The following RIT2 variants were observed in gnomAD, a reference collection of about 807,000 sequenced individuals.
RIT2 encodes the protein Ras like without CAAX 2, also known as GTP-binding protein Rit2.
RIT2 carries 24 observed loss-of-function variants against 23.7 expected under a neutral mutation model. The observed-to-expected ratio is 1.01, with a 90% confidence interval of 0.73 to 1.43. RIT2 has a LOEUF of 1.43. Among genes scored for constraint, RIT2 ranks in the 40% most tolerant of loss-of-function variants. RIT2 has a pLI of 0.00. For synonymous variants in RIT2, 107 were observed against 91.1 expected (o/e 1.17, Z -0.99); for missense variants, 236 against 266.9 (o/e 0.88, Z 0.81).
intron 4 of RIT2, among the ~76,000 whole-genome samples, chr18:42,896,471 T>C (rs192480652): frequency 1.8e-3 from 280 of 152,316 alleles, no homozygotes; most frequent in African/African-American, 6.1e-3. Context: ...GCTCATCACG[T>C]TTTGAAAGAA....
intron 4 of RIT2, among the ~76,000 whole-genome samples, chr18:42,867,320 G>A (rs1213752929): frequency 6.6e-6 from 1 of 151,970 alleles, no homozygotes; most frequent in Non-Finnish European, 1.5e-5. Flanking sequence ...TTCCTGATTC[G>A]GTAAGCCTGG....
At chr18:42,750,405 TCTATA>T (rs1913018372) in intron 4 of RIT2, among the ~76,000 whole-genome samples, 1 of 151,872 alleles carries the variant, frequency 6.6e-6, no homozygotes, top group Non-Finnish European at 1.5e-5. Context: ...TTCATGAAGC[TCTATA>T]CTTATAATTT....
intron 1 of RIT2, among the ~76,000 whole-genome samples, chr18:43,081,650 A>G (rs557092828): frequency 6.6e-6 from 1 of 151,954 alleles, no homozygotes; most frequent in East Asian, 1.9e-4. Context: ...CTCCTAGAAG[A>G]CTCCTGATTA....
intron 4 of RIT2, 62 bp downstream of exon 4, chr18:42,923,510 T>C (rs1555647042): frequency 7.4e-7 from 1 of 1,343,230 alleles, no homozygotes. Context: ...AAAGCAGCCA[T>C]ATTTTGTACT....
At chr18:43,109,438 A>G (rs1467701161) in intron 1 of RIT2, among the ~76,000 whole-genome samples, 1 of 152,206 alleles carries the variant, frequency 6.6e-6, no homozygotes, top group Admixed American at 6.5e-5. Context: ...AGATGCTGCC[A>G]TTAAAAATTA....
intron 4 of RIT2, among the ~76,000 whole-genome samples, chr18:42,842,856 T>G (rs1246169246): frequency 6.6e-6 from 1 of 152,166 alleles, no homozygotes. Flanking sequence ...CCTCTTAGCC[T>G]TATAATTTGT....
chr18:42,776,776 T>C (rs773056424), intron 4 of RIT2, among the ~76,000 whole-genome samples: 3 of 152,144 alleles, frequency 2.0e-5, no homozygotes, highest in Non-Finnish European at 4.4e-5. Context: ...TCAACAAAAT[T>C]ATAATAATAA....
chr18:42,905,660 A>T (rs1418891975), intron 4 of RIT2, among the ~76,000 whole-genome samples: 1 of 152,016 alleles, frequency 6.6e-6, no homozygotes, highest in Non-Finnish European at 1.5e-5. Context: ...TTTAGTGGAG[A>T]TGGGGTTTCA....
intron 2 of RIT2, among the ~76,000 whole-genome samples, chr18:42,993,286 G>A (rs928371490): frequency 5.9e-5 from 9 of 152,266 alleles, no homozygotes; most frequent in East Asian, 3.9e-4. Context: ...AGAGTCCCTG[G>A]AACTCTGGCC....
intron 1 of RIT2, among the ~76,000 whole-genome samples, chr18:43,082,685 A>G (rs571659481): frequency 2.8e-5 from 4 of 143,336 alleles, no homozygotes; most frequent in Non-Finnish European, 6.1e-5. Context: ...ACACCTCTTC[A>G]TGCAAAAAAA....
At position 42,969,303 on chromosome 18, in the gene RIT2, C is replaced by T. The variant is rs1195130693; in HGVS notation, c.234+4771G>A. Among the ~76,000 whole-genome samples, 3 of 152,044 alleles carry T rather than the reference C, an allele frequency of 2.0e-5. No homozygotes were observed. In the East Asian group the frequency reaches 5.8e-4, roughly 29 times the overall value. The stretch of plus-strand genomic sequence containing the variant: ...AGGATTCCTTAAGGAAGGGGTCATG[C>T]CCTTAAGTATTCTCTTTAAAGATAA... On this transcript the variant is annotated intron_variant, in intron 3 of 4. Transcript: ENST00000326695.
intron 4 of RIT2, 169 bp downstream of exon 4, chr18:42,923,403 T>C (rs1568031083): frequency 1.5e-6 from 1 of 670,784 alleles, no homozygotes; most frequent in Non-Finnish European, 2.6e-6. Flanking sequence ...GTAAAATATA[T>C]TATGGAGGCC....
At chr18:42,968,245 A>G (rs1484847778) in intron 3 of RIT2, among the ~76,000 whole-genome samples, 1 of 152,156 alleles carries the variant, frequency 6.6e-6, no homozygotes, top group African/African-American at 2.4e-5. Context: ...GAGGAGAGCT[A>G]CTAGTTTGTG....
intron 3 of RIT2, among the ~76,000 whole-genome samples, chr18:42,925,223 T>C (rs1909151177): frequency 6.6e-6 from 1 of 152,100 alleles, no homozygotes. Flanking sequence ...ATTGGATCCA[T>C]GTTTCATTCC....
At chr18:42,944,340 GTTCT>G (rs1419504174) in intron 3 of RIT2, among the ~76,000 whole-genome samples, 16 of 152,140 alleles carry the variant, frequency 1.1e-4, no homozygotes, top group African/African-American at 3.9e-4. Context: ...ATCAAGATTG[GTTCT>G]TTATTTATGT....
intron 3 of RIT2, among the ~76,000 whole-genome samples, chr18:42,950,253 C>G (rs1396106119): frequency 6.6e-6 from 1 of 152,154 alleles, no homozygotes; most frequent in East Asian, 1.9e-4. Context: ...TAAAGCTGCA[C>G]ACCTACACCA....
chr18:43,112,472 C>T (rs1481458115), intron 1 of RIT2, among the ~76,000 whole-genome samples: 1 of 152,172 alleles, frequency 6.6e-6, no homozygotes, highest in East Asian at 1.9e-4. Flanking sequence ...TTATTGATTA[C>T]TTGTGGTTTA....
intron 1 of RIT2, among the ~76,000 whole-genome samples, chr18:43,035,377 C>T (rs1471734408): frequency 6.6e-6 from 1 of 152,106 alleles, no homozygotes; most frequent in African/African-American, 2.4e-5. Context: ...CTGAAAGCAA[C>T]ATGTTTATTA....
chr18:42,931,710 A>G (rs1183859150), intron 3 of RIT2, among the ~76,000 whole-genome samples: 1 of 152,148 alleles, frequency 6.6e-6, no homozygotes, highest in Non-Finnish European at 1.5e-5. Flanking sequence ...TCCTGCCGAT[A>G]AAACCTACAG....
Sources: allele counts gnomAD v4.1 joint callset (sites outside exome capture counted in the v4.1 genomes callset), GRCh38; gene constraint gnomAD v4.1.1; transcripts MANE v1.5; gene names NCBI Gene and HGNC (gene_info 2026-07-23, HGNC 2026-07-21).